Variants in MAP3K19 observed in about 807,000 individuals in gnomAD.
The protein encoded by MAP3K19 is SPS1/STE20-related protein kinase YSK4.
MAP3K19 carries 91 observed loss-of-function variants against 114.4 expected under a neutral mutation model. The ratio of observed to expected loss-of-function variants is 0.80; its 90% confidence interval spans 0.67 to 0.95. The LOEUF is 0.95. Among genes scored for constraint, MAP3K19 ranks in the 40% least tolerant of loss-of-function variants. The pLI is 0.00. For missense variants in MAP3K19, 1,471 were observed against 1,573.2 expected (o/e 0.94, Z 1.10); for synonymous variants, 518 against 530.5 (o/e 0.98, Z 0.32).
intron 3 of MAP3K19, among the ~76,000 whole-genome samples, chr2:135,025,113 A>T (rs1688201781): frequency 1.3e-5 from 2 of 152,058 alleles, no homozygotes; most frequent in African/African-American, 4.8e-5. Flanking sequence ...ATAAGGATTA[A>T]AACATTTTGA....
Position 134,999,004 on chromosome 2 carries a change from G to C in MAP3K19, c.315-7C>G, listed in dbSNP as rs763228846. On this transcript the variant is annotated splice_region_variant and splice_polypyrimidine_tract_variant and intron_variant, in intron 7 of 12. Coordinates refer to ENST00000392915, the MANE Select transcript of MAP3K19 (RefSeq NM_025052.5). This position sits in a 1 kb window ranked among gnomAD's most constrained non-coding sequence, Gnocchi z 4.1. ...AAGCGATGAGTTTATCAGACTAAAG[G>C]GGGAGGGAAATGTTTGATTTAAAAC... The C allele has an allele frequency of 4.4e-6, 7 of 1,605,906 alleles. No homozygotes were observed. The Admixed American group carries it at 5.2e-5, about 12-fold the overall frequency.
At chr2:135,008,252 A>G (rs1344888535) in intron 5 of MAP3K19, among the ~76,000 whole-genome samples, 1 of 152,036 alleles carries the variant, frequency 6.6e-6, no homozygotes, top group Non-Finnish European at 1.5e-5. Context: ...CCTCTCGAGT[A>G]GCTGAGACTA....
chr2:135,030,801 T>C (rs1460123175), intron 2 of MAP3K19, among the ~76,000 whole-genome samples: 1 of 152,180 alleles, frequency 6.6e-6, no homozygotes. Context: ...TGTGTGCCTG[T>C]AATCCCAGCT....
intron 8 of MAP3K19, 149 bp from the exon 9 acceptor site, chr2:134,991,729 A>G: frequency 3.0e-6 from 2 of 660,954 alleles, no homozygotes; most frequent in Middle Eastern, 4.1e-4. Flanking sequence ...ATTCACACAG[A>G]GGTGGAATCA....
At chr2:134,982,136 G>GTTTTT (rs1684720278) in intron 11 of MAP3K19, among the ~76,000 whole-genome samples, 1 of 83,148 alleles carries the variant, frequency 1.2e-5, no homozygotes, top group African/African-American at 5.4e-5. Flanking sequence ...TTTTTTTTTG[G>GTTTTT]AGACAGAGTC....
At chr2:134,971,993 G>A (rs1056965605) in intron 12 of MAP3K19, among the ~76,000 whole-genome samples, 1 of 151,144 alleles carries the variant, frequency 6.6e-6, no homozygotes, top group Non-Finnish European at 1.5e-5. Flanking sequence ...TATATTTATG[G>A]GGTACATGAG....
intron 2 of MAP3K19, among the ~76,000 whole-genome samples, chr2:135,036,637 ATGTGTGTGTGTGTG>A (rs57859657): frequency 1.9e-4 from 27 of 140,294 alleles, no homozygotes; most frequent in African/African-American, 5.0e-4. Flanking sequence ...GTTCAACATT[ATGTGTGTGTGTGTG>A]TGTGTGTGTG....
chr2:135,036,273 T>G (rs1453251272), intron 2 of MAP3K19, among the ~76,000 whole-genome samples: 1 of 152,188 alleles, frequency 6.6e-6, no homozygotes, highest in Non-Finnish European at 1.5e-5. Flanking sequence ...CAAGCCACTC[T>G]ATTGGTTACT....
At chr2:134,970,246 T>C (rs1449002368) in intron 12 of MAP3K19, among the ~76,000 whole-genome samples, 1 of 152,204 alleles carries the variant, frequency 6.6e-6, no homozygotes, top group African/African-American at 2.4e-5. Flanking sequence ...TTGATTCTTG[T>C]GACCCATGAG....
At chr2:135,033,401 C>A (rs1223645737) in intron 2 of MAP3K19, among the ~76,000 whole-genome samples, 1 of 100,456 alleles carries the variant, frequency 1.0e-5, no homozygotes, top group Non-Finnish European at 1.9e-5. Flanking sequence ...CCGGACGGGG[C>A]GGCTGGCCGG....
At chr2:134,998,677 C>A (rs1180214215) in intron 8 of MAP3K19, 61 bp downstream of exon 8, 4 of 1,497,770 alleles carry the variant, frequency 2.7e-6, no homozygotes, top group Middle Eastern at 2.5e-4. Context: ...CAGTGCCTGG[C>A]ACAATACATA....
At chr2:135,006,760 G>C (rs1369530727) in intron 5 of MAP3K19, among the ~76,000 whole-genome samples, 1 of 151,728 alleles carries the variant, frequency 6.6e-6, no homozygotes, top group African/African-American at 2.4e-5. Context: ...TGGTGAGCTA[G>C]GGTCACGCCA....
chr2:135,028,320 C>T (rs1310523606), intron 3 of MAP3K19, among the ~76,000 whole-genome samples: 1 of 152,158 alleles, frequency 6.6e-6, no homozygotes, highest in Non-Finnish European at 1.5e-5. Flanking sequence ...CTTTAGAAGG[C>T]TGAGGCATGT....
At chr2:135,015,906 T>A (rs996356094) in intron 5 of MAP3K19, among the ~76,000 whole-genome samples, 12 of 150,808 alleles carry the variant, frequency 8.0e-5, no homozygotes, top group African/African-American at 1.2e-4. Flanking sequence ...AAAAAAAAAA[T>A]ATTTGTTGCC....
chr2:134,968,593 C>T lies in MAP3K19; in HGVS notation c.3921-3677G>A, dbSNP rs1398873395. Among the ~76,000 whole-genome samples, 919 of 131,960 alleles carry T rather than the reference C, an allele frequency of 7.0e-3. 10 individuals are homozygous for T. Among genetic ancestry groups the T allele is most frequent in the African/African-American group, 0.025 (852 of 34,196 alleles). 86.6% of individuals were successfully genotyped at this position (131,960 alleles called of 152,430 possible). A position where few individuals can be genotyped will look rare whatever the true frequency, so the allele number is the denominator to read the frequency against. On this transcript the variant is annotated intron_variant, in intron 12 of 12. Coordinates refer to ENST00000392915, the MANE Select transcript of MAP3K19 (RefSeq NM_025052.5). ...GCGGAGGGGCTCCTCACTTCTCAGA[C>T]GGGGCGGTTGCCAGGCAGAGGGTCT...
rs968811135 is a variant in MAP3K19 at position 134,986,046 on chromosome 2, A to C, written c.2826T>G (p.Phe942Leu). The change falls in exon 10 of 13, where the codon TTT (phenylalanine) becomes TTG (leucine). Residue 942 changes from phenylalanine to leucine, a missense_variant. By Grantham distance (22) the Phe-to-Leu change is conservative. Transcript: ENST00000392915. ...LANKSITYQMFGKTLSGTNSI... is the reference protein window; with the variant it reads ...LANKSITYQMLGKTLSGTNSI... ...AATTTGTGCCACTTAAGGTTTTTCC[A>C]AACATTTGATATGTGATTGACTTAT... 6.2e-7 allele frequency: 1 copy of C among 1,613,618 alleles called. No individual in the cohort carries two copies. Among genetic ancestry groups the C allele is most frequent in the African/African-American group, 1.3e-5 (1 of 75,024 alleles).
At chr2:135,042,508 AAAAAAAAAAAAG>A (rs1398876478) in intron 1 of MAP3K19, among the ~76,000 whole-genome samples, 1 of 149,994 alleles carries the variant, frequency 6.7e-6, no homozygotes, top group African/African-American at 2.5e-5. Flanking sequence ...TCTCAAAAAA[AAAAAAAAAAAAG>A]AAAAAAGAAA....
chr2:135,025,373 TTTTC>T (rs1425400219), intron 3 of MAP3K19, among the ~76,000 whole-genome samples: 6,776 of 120,892 alleles, frequency 0.056, 1,176 homozygotes, highest in African/African-American at 0.18. Flanking sequence ...TGGCCTTTTC[TTTTC>T]TTTTTTTTTT....
chr2:135,019,711 G>T (rs1029139759), intron 5 of MAP3K19, among the ~76,000 whole-genome samples: 1 of 152,088 alleles, frequency 6.6e-6, no homozygotes, highest in African/African-American at 2.4e-5. Context: ...AGAGTAGTAG[G>T]ATCTTTATTT....
Sources: allele counts gnomAD v4.1 joint callset (sites outside exome capture counted in the v4.1 genomes callset), GRCh38; gene constraint gnomAD v4.1.1; non-coding constraint Gnocchi (gnomAD v3.1); transcripts MANE v1.5; gene names NCBI Gene and HGNC (gene_info 2026-07-23, HGNC 2026-07-21).